Variants in NRXN1 observed in about 807,000 individuals in gnomAD.
NRXN1 encodes the protein neurexin-1.
Under a neutral mutation model 150.9 loss-of-function variants are expected in NRXN1, and 39 were observed. That is an observed-to-expected ratio of 0.26 (90% confidence interval 0.20 to 0.34). The LOEUF is 0.34. Among genes scored for constraint, NRXN1 ranks in the 10% least tolerant of loss-of-function variants. The pLI is 1.00. For missense variants in NRXN1, 1,815 were observed against 1,949.9 expected (o/e 0.93, Z 1.30); for synonymous variants, 924 against 757.0 (o/e 1.22, Z -3.62).
chr2:50,291,844 G>A (rs1309989481), intron 17 of NRXN1, among the ~76,000 whole-genome samples: 1 of 152,154 alleles, frequency 6.6e-6, no homozygotes, highest in East Asian at 1.9e-4. Flanking sequence ...TGGTATTTAC[G>A]AGGACTGCAG....
At chr2:50,482,314 G>A (rs1014516486) in intron 15 of NRXN1, among the ~76,000 whole-genome samples, 1 of 152,128 alleles carries the variant, frequency 6.6e-6, no homozygotes, top group Non-Finnish European at 1.5e-5. Context: ...GATGGGGTGC[G>A]AGTTCAGGGA....
chr2:50,429,879 A>C (rs993985838), intron 17 of NRXN1, among the ~76,000 whole-genome samples: 3 of 152,186 alleles, frequency 2.0e-5, no homozygotes, highest in Non-Finnish European at 4.4e-5. Context: ...AAAAGTGATC[A>C]AAATACCTGC....
chr2:50,134,310 A>T (rs1706045029), intron 18 of NRXN1, among the ~76,000 whole-genome samples: 1 of 151,666 alleles, frequency 6.6e-6, no homozygotes, highest in Admixed American at 6.6e-5. Flanking sequence ...CTAAGCAAAC[A>T]GGTTTTCCCT....
chr2:50,026,188 G>C (rs993670554), intron 21 of NRXN1, among the ~76,000 whole-genome samples: 1 of 152,096 alleles, frequency 6.6e-6, no homozygotes, highest in Non-Finnish European at 1.5e-5. Context: ...CTGTCTACAA[G>C]AGTAGAAAAA....
chr2:49,979,998 A>G (rs910627040), intron 21 of NRXN1, among the ~76,000 whole-genome samples: 1 of 151,836 alleles, frequency 6.6e-6, no homozygotes, highest in African/African-American at 2.4e-5. Context: ...AAGCAAACAG[A>G]AACAAAACAT....
At chr2:50,410,040 T>G (rs970609873) in intron 17 of NRXN1, among the ~76,000 whole-genome samples, 15 of 152,178 alleles carry the variant, frequency 9.9e-5, no homozygotes, top group Admixed American at 7.9e-4. Flanking sequence ...ACATTGACCT[T>G]TTTGTCCTGT....
At chr2:50,027,538 G>T (rs751097090) in intron 21 of NRXN1, among the ~76,000 whole-genome samples, 1 of 152,072 alleles carries the variant, frequency 6.6e-6, no homozygotes, top group Admixed American at 6.6e-5. Flanking sequence ...GACCTCCGTG[G>T]CTCAAGCAAT....
At position 50,764,788 on chromosome 2, in the gene NRXN1, C is replaced by T. The variant is rs563347301; in HGVS notation, c.833-141173G>A. On this transcript the variant is annotated intron_variant, in intron 5 of 22. Transcript: ENST00000401669. ...TGAATGTGAAAATCAAATCTACCCA[C>T]GCAACAAAGGACCACTAAATTGCCA... Among the ~76,000 whole-genome samples the T allele has an allele frequency of 3.6e-4, 55 of 152,092 alleles. 2 individuals carry two copies. The South Asian group carries it at 5.2e-3, about 14-fold the overall frequency.
chr2:50,741,717 C>A (rs1362394461), intron 5 of NRXN1, among the ~76,000 whole-genome samples: 1 of 152,132 alleles, frequency 6.6e-6, no homozygotes, highest in African/African-American at 2.4e-5. Context: ...CCATTTTCTT[C>A]ATGCTGGCTT....
chr2:50,756,775 A>G (rs747501417), intron 5 of NRXN1, among the ~76,000 whole-genome samples: 3 of 151,906 alleles, frequency 2.0e-5, no homozygotes, highest in Non-Finnish European at 4.4e-5. Context: ...CAATATGCAC[A>G]TAAAAGATTA....
chr2:50,495,273 G>C (rs1175811676), intron 15 of NRXN1, among the ~76,000 whole-genome samples: 5 of 151,964 alleles, frequency 3.3e-5, no homozygotes, highest in Admixed American at 6.6e-5. Context: ...ACGTGCATTT[G>C]AGAAATGAAG....
At chr2:50,761,244 T>A (rs3850330) in intron 5 of NRXN1, among the ~76,000 whole-genome samples, 67,974 of 151,680 alleles carry the variant, frequency 0.45, 17,130 homozygotes, top group African/African-American at 0.7. Context: ...TTCACAGGTG[T>A]TATGATTTGG....
chr2:50,201,591 A>G (rs574722612), intron 18 of NRXN1, among the ~76,000 whole-genome samples: 1 of 152,224 alleles, frequency 6.6e-6, no homozygotes, highest in Non-Finnish European at 1.5e-5. Context: ...GATATTCCAT[A>G]TCTCAATGAA....
intron 18 of NRXN1, among the ~76,000 whole-genome samples, chr2:50,191,683 T>C (rs1210683394): frequency 2.0e-5 from 3 of 152,246 alleles, no homozygotes; most frequent in Non-Finnish European, 4.4e-5. Flanking sequence ...ATCATATTTA[T>C]GTAACTTCTT....
At chr2:50,466,096 A>G (rs867276296) in intron 16 of NRXN1, among the ~76,000 whole-genome samples, 2 of 151,826 alleles carry the variant, frequency 1.3e-5, no homozygotes, top group African/African-American at 4.8e-5. Flanking sequence ...TGCTTTTAAC[A>G]ATTTCATGCA....
chr2:50,281,279 T>C (rs541681110), intron 17 of NRXN1, among the ~76,000 whole-genome samples: 10 of 151,320 alleles, frequency 6.6e-5, no homozygotes, highest in Admixed American at 6.6e-4. Flanking sequence ...ATCGCGCCGC[T>C]GCACTCCAGC....
chr2:50,637,842 A>G (rs1031303905), intron 5 of NRXN1, among the ~76,000 whole-genome samples: 22 of 152,076 alleles, frequency 1.4e-4, no homozygotes, highest in African/African-American at 5.3e-4. Context: ...AACACCTGGT[A>G]TGGTCCACAA....
intron 17 of NRXN1, among the ~76,000 whole-genome samples, chr2:50,448,928 A>G (rs1258400688): frequency 1.3e-5 from 2 of 152,224 alleles, no homozygotes; most frequent in Non-Finnish European, 2.9e-5. Context: ...AGAGACCTTC[A>G]GGAACAGCCT....
At chr2:50,652,400 C>A (rs972248795) in intron 5 of NRXN1, among the ~76,000 whole-genome samples, 1 of 152,026 alleles carries the variant, frequency 6.6e-6, no homozygotes, top group East Asian at 1.9e-4. Flanking sequence ...CCTCTTCCCA[C>A]CCCCAGGCCA....
Sources: gnomAD v4.1 joint callset for allele counts (sites outside exome capture counted in the v4.1 genomes callset) on GRCh38, gnomAD v4.1.1 for gene constraint, MANE v1.5 for transcripts, NCBI Gene and HGNC (gene_info 2026-07-23, HGNC 2026-07-21) for gene names.